Variants in NFIX observed in about 807,000 individuals in gnomAD.
NFIX encodes nuclear factor I X.
Under a neutral mutation model 53.3 loss-of-function variants are expected in NFIX, and 2 were observed. The ratio of observed to expected loss-of-function variants is 0.04; its 90% confidence interval spans 0.02 to 0.12. The LOEUF is 0.12. NFIX is among the 10% of genes least tolerant of loss of function. The pLI, the probability that NFIX is intolerant of heterozygous loss-of-function variation, is 1.00. For missense variants in NFIX, 310 were observed against 674.5 expected (o/e 0.46, Z 5.99); for synonymous variants, 244 against 289.0 (o/e 0.84, Z 1.58).
chr19:13,086,788 A>G (rs532952157), intron 8 of NFIX, among the ~76,000 whole-genome samples: 95 of 152,302 alleles, frequency 6.2e-4, no homozygotes, highest in Admixed American at 1.6e-3. Context: ...CTGAGCTGAT[A>G]AGCACAGTCT....
chr19:13,062,478 A>G (rs892938174), intron 2 of NFIX, among the ~76,000 whole-genome samples: 1 of 152,124 alleles, frequency 6.6e-6, no homozygotes, highest in Non-Finnish European at 1.5e-5. Flanking sequence ...TGTAGCAGCA[A>G]ACAAAACCAA....
chr19:13,055,594 G>T (rs2015619378), intron 2 of NFIX, among the ~76,000 whole-genome samples: 1 of 152,230 alleles, frequency 6.6e-6, no homozygotes, highest in South Asian at 2.1e-4. Context: ...CCTCAGCCAA[G>T]ACCACCCTCC....
chr19:13,044,772 G>A (rs1234686654), intron 2 of NFIX, among the ~76,000 whole-genome samples: 1 of 152,174 alleles, frequency 6.6e-6, no homozygotes, highest in African/African-American at 2.4e-5. Context: ...GATTACAATT[G>A]TCGTAATTAC....
intron 5 of NFIX, 89 bp from the exon 6 acceptor site, chr19:13,075,446 C>T: frequency 6.9e-7 from 1 of 1,456,486 alleles, no homozygotes. Flanking sequence ...AGAGGGCCAT[C>T]TATGCACAGT....
In NFIX at chr19:13,087,994, C is replaced by A. The variant is rs1415543603; in HGVS notation, c.1260C>A (p.Asn420Lys). The change falls in exon 9 of 11, where the codon AAC (asparagine) becomes AAA (lysine). Residue 420 changes from asparagine (N) to lysine (K), a missense_variant. Transcript: ENST00000592199. ...DGSGQATGQP[N>K]GSGQGKVPGS... ...TCTATTTATGTTGTTCGCAGCCCAA[C>A]GGTAGCGGCCAGGGCAAAGTCCCGG... The A allele has an allele frequency of 6.5e-7, 1 of 1,536,056 alleles. No individual in the cohort carries two copies. Among genetic ancestry groups the A allele is most frequent in the Non-Finnish European group, 8.7e-7 (1 of 1,146,890 alleles).
rs2012966926 is a variant in NFIX, at chr19:13,021,829, G to A, written c.28-3192G>A. ...GTCCCCAAGTGGAGGACCAGAGCAGGGGCTCCCCGGTGGGTCACTTCTCTG... is the reference window on the plus strand; with the variant it reads ...GTCCCCAAGTGGAGGACCAGAGCAGAGGCTCCCCGGTGGGTCACTTCTCTG... On this transcript the variant is annotated intron_variant, in intron 1 of 10. Coordinates refer to ENST00000592199, the MANE Select transcript of NFIX (RefSeq NM_001365902.3). This position sits in a 1 kb window ranked among gnomAD's most constrained non-coding sequence, Gnocchi z 4.2. Among the ~76,000 whole-genome samples, 1 of 152,036 alleles carries A rather than the reference G, an allele frequency of 6.6e-6. No homozygotes were observed. The highest frequency in any genetic ancestry group is 2.4e-5 in the African/African-American group (1 of 41,396).
intron 1 of NFIX, among the ~76,000 whole-genome samples, chr19:13,004,944 G>A (rs1294997012): frequency 6.6e-6 from 1 of 152,034 alleles, no homozygotes; most frequent in Non-Finnish European, 1.5e-5. Flanking sequence ...AGCCTCCCGA[G>A]TAGCTGGGAT....
At chr19:13,077,331 C>A (rs901935906) in intron 6 of NFIX, among the ~76,000 whole-genome samples, 1 of 152,218 alleles carries the variant, frequency 6.6e-6, no homozygotes, top group African/African-American at 2.4e-5. Context: ...CCTCAACATC[C>A]TCCTGCAGCA....
chr19:13,082,492 T>G (rs1356965807), intron 8 of NFIX: 1 of 152,268 alleles, frequency 6.6e-6, no homozygotes, highest in Admixed American at 6.5e-5. Flanking sequence ...CCACGGAGAC[T>G]CCTGCTGGCA....
chr19:13,098,600 CTG>C lies in NFIX; in HGVS notation c.*3953_*3954del, dbSNP rs2018605764. The C allele has an allele frequency of 6.6e-6, 1 of 150,748 alleles. No homozygotes were observed. Among genetic ancestry groups the C allele is most frequent in the African/African-American group, 2.5e-5 (1 of 40,694 alleles). 9.3% of individuals were successfully genotyped at this position (150,748 alleles called of 1,614,324 possible). On this transcript the variant is annotated 3_prime_UTR_variant, in exon 11 of 11. Coordinates refer to ENST00000592199, the MANE Select transcript of NFIX (RefSeq NM_001365902.3). ...ATAAGAAACAAGGGTAGTTTACTGT[CTG>C]TTTTGTTTTCTGGGTTTTCAGTGTC...
chr19:13,062,180 T>G (rs1367985523), intron 2 of NFIX, among the ~76,000 whole-genome samples: 1 of 152,218 alleles, frequency 6.6e-6, no homozygotes, highest in Non-Finnish European at 1.5e-5. Context: ...CTTCCTCTGG[T>G]CATTCCAGCC....
At chr19:13,039,781 C>G (rs1173568685) in intron 2 of NFIX, among the ~76,000 whole-genome samples, 2 of 152,174 alleles carry the variant, frequency 1.3e-5, no homozygotes, top group Non-Finnish European at 2.9e-5. Context: ...TGTGTTTTAT[C>G]CGCCTTTGCA....
intron 2 of NFIX, among the ~76,000 whole-genome samples, chr19:13,053,106 T>A (rs2015427427): frequency 6.6e-6 from 1 of 152,166 alleles, no homozygotes; most frequent in African/African-American, 2.4e-5. Context: ...CTAAGCAGAA[T>A]GCGGGGTAGG....
At chr19:13,086,357 C>T (rs1248740231) in intron 8 of NFIX, among the ~76,000 whole-genome samples, 1 of 152,114 alleles carries the variant, frequency 6.6e-6, no homozygotes, top group Non-Finnish European at 1.5e-5. Context: ...GGAAAGAATC[C>T]TAGCATCCCT....
chr19:13,083,339 TACCGAGGCAGCCAG>T (rs1274225076), intron 8 of NFIX, among the ~76,000 whole-genome samples: 1 of 152,096 alleles, frequency 6.6e-6, no homozygotes, highest in East Asian at 1.9e-4. Flanking sequence ...CTTTCTTAAC[TACCGAGGCAGCCAG>T]GATTTGGAGT....
chr19:13,054,778 G>C (rs2015544252), intron 2 of NFIX, among the ~76,000 whole-genome samples: 1 of 152,088 alleles, frequency 6.6e-6, no homozygotes, highest in South Asian at 2.1e-4. Context: ...TGAGGAGGGC[G>C]GGGGTAGGGG....
chr19:13,003,665 A>G (rs955585834), intron 1 of NFIX, among the ~76,000 whole-genome samples: 5 of 151,894 alleles, frequency 3.3e-5, no homozygotes, highest in African/African-American at 9.7e-5. Flanking sequence ...TTAGAGACAG[A>G]CTGTCATCTG....
intron 2 of NFIX, among the ~76,000 whole-genome samples, chr19:13,069,389 T>C (rs191330733): frequency 2.0e-5 from 3 of 152,234 alleles, no homozygotes; most frequent in Non-Finnish European, 2.9e-5. Context: ...GGATAAAAGA[T>C]GAAAGATGGA....
At chr19:13,026,527 C>T (rs1424966613) in intron 2 of NFIX, among the ~76,000 whole-genome samples, 1 of 152,034 alleles carries the variant, frequency 6.6e-6, no homozygotes, top group African/African-American at 2.4e-5. Context: ...TACCCTTTCC[C>T]TTTTTATAAT....
Sources: allele counts gnomAD v4.1 joint callset (sites outside exome capture counted in the v4.1 genomes callset), GRCh38; gene constraint gnomAD v4.1.1; non-coding constraint Gnocchi (gnomAD v3.1); transcripts MANE v1.5; gene names NCBI Gene and HGNC (gene_info 2026-07-23, HGNC 2026-07-21).